Variants in HTR7 observed in about 807,000 individuals in gnomAD.
HTR7 encodes the protein 5-hydroxytryptamine receptor 7, also known as 5-HT-7.
In HTR7, 16 loss-of-function variants were observed where a neutral mutation model predicts 34.0. That is an observed-to-expected ratio of 0.47 (90% CI 0.32 to 0.71). The LOEUF is 0.71. Among genes scored for constraint, HTR7 ranks in the 30% least tolerant of loss-of-function variants. The probability of loss-of-function intolerance (pLI) is 0.04; values close to 1 mark genes in which losing one functional copy is unlikely to be tolerated. For missense variants in HTR7, 504 were observed against 625.5 expected (o/e 0.81, Z 2.07); for synonymous variants, 265 against 260.2 (o/e 1.02, Z -0.18).
intron 1 of HTR7, among the ~76,000 whole-genome samples, chr10:90,795,923 A>G (rs1300655272): frequency 6.6e-6 from 1 of 152,196 alleles, no homozygotes; most frequent in Non-Finnish European, 1.5e-5. Context: ...TATTATCAAT[A>G]GAAAGGAACG....
intron 1 of HTR7, among the ~76,000 whole-genome samples, chr10:90,828,403 A>T (rs1846112920): frequency 6.6e-6 from 1 of 152,200 alleles, no homozygotes; most frequent in Non-Finnish European, 1.5e-5. Flanking sequence ...CATGCAAAAG[A>T]CCAACAAAAT....
intron 1 of HTR7, among the ~76,000 whole-genome samples, chr10:90,833,456 T>C (rs1242935241): frequency 6.6e-6 from 1 of 152,220 alleles, no homozygotes; most frequent in African/African-American, 2.4e-5. Context: ...AGCCTTTCCT[T>C]ATTTGTAAAA....
chr10:90,771,729 A>T lies in HTR7; in HGVS notation c.540-22135T>A, dbSNP rs150185999. 2.2e-3 allele frequency among the ~76,000 whole-genome samples: 341 copies of T among 152,184 alleles called. 1 individual carries two copies. The highest frequency in any genetic ancestry group is 7.7e-3 in the African/African-American group (319 of 41,512). On this transcript the variant is annotated intron_variant, in intron 1 of 3. Transcript: ENST00000336152. ...CACACCCCTCACCACTCCACACCTG[A>T]CTCACAATCTCCCTTGAAGGTGTGG...
intron 1 of HTR7, among the ~76,000 whole-genome samples, chr10:90,840,111 A>T (rs1295982428): frequency 6.6e-6 from 1 of 150,828 alleles, no homozygotes; most frequent in African/African-American, 2.4e-5. Flanking sequence ...GCATGCAATC[A>T]TCTTTTCCTC....
chr10:90,766,742 T>C (rs963210957), intron 1 of HTR7, among the ~76,000 whole-genome samples: 5 of 152,230 alleles, frequency 3.3e-5, no homozygotes, highest in Non-Finnish European at 7.3e-5. Flanking sequence ...ACATAAAATA[T>C]CTTATAGTTA....
chr10:90,753,443 A>G (rs1844775863), intron 1 of HTR7, among the ~76,000 whole-genome samples: 1 of 152,184 alleles, frequency 6.6e-6, no homozygotes, highest in South Asian at 2.1e-4. Context: ...AACTTCATTA[A>G]TAAAGAGATG....
Position 90,822,275 on chromosome 10 carries a change from G to A in HTR7, c.539+34858C>T, listed in dbSNP as rs547208686. Among the ~76,000 whole-genome samples, 4 of 152,308 alleles carry A rather than the reference G, an allele frequency of 2.6e-5. No individual in the cohort carries two copies. The East Asian group carries it at 7.7e-4, about 29-fold the overall frequency. ...AAAGTCCAGGCTGAAGTCTCAGATG[G>A]AGATGAGGAACTTATTAGGAACTGA... On this transcript the variant is annotated intron_variant, in intron 1 of 3. Coordinates refer to ENST00000336152, the MANE Select transcript of HTR7 (RefSeq NM_019859.4).
intron 1 of HTR7, among the ~76,000 whole-genome samples, chr10:90,831,541 A>G (rs1262770673): frequency 6.6e-6 from 1 of 151,872 alleles, no homozygotes; most frequent in Non-Finnish European, 1.5e-5. Context: ...AGCAAAACAC[A>G]TTGCTTCCAA....
intron 1 of HTR7, among the ~76,000 whole-genome samples, chr10:90,817,391 T>C (rs573567920): frequency 6.8e-4 from 103 of 152,332 alleles, no homozygotes; most frequent in Non-Finnish European, 1.4e-3. Context: ...AAGACAAGAT[T>C]AAACATGCTT....
At position 90,741,599 on chromosome 10, in the gene HTR7, TC is replaced by T. The variant is rs1319258622; in HGVS notation, c.*882del. On this transcript the variant is annotated 3_prime_UTR_variant, in exon 4 of 4. Coordinates refer to ENST00000336152, the MANE Select transcript of HTR7 (RefSeq NM_019859.4). ...TCACATTTCATGGAAAACCCATCAT[TC>T]CCACACTTCTTCCACATAACATACA... The T allele has an allele frequency of 6.6e-6, 1 of 152,310 alleles. No homozygotes were observed. The highest frequency in any genetic ancestry group is 1.5e-5 in the Non-Finnish European group (1 of 68,042). 9.4% of individuals were successfully genotyped at this position (152,310 alleles called of 1,614,324 possible). A position where few individuals can be genotyped will look rare whatever the true frequency, so the allele number is the denominator to read the frequency against.
chr10:90,814,069 C>T (rs1845859536), intron 1 of HTR7, among the ~76,000 whole-genome samples: 1 of 152,174 alleles, frequency 6.6e-6, no homozygotes, highest in African/African-American at 2.4e-5. Context: ...CTCCTAAACC[C>T]ACTTCTTGTG....
intron 1 of HTR7, among the ~76,000 whole-genome samples, chr10:90,795,854 G>T (rs1026354749): frequency 6.6e-6 from 1 of 152,150 alleles, no homozygotes; most frequent in Non-Finnish European, 1.5e-5. Context: ...GGGTTGAGGG[G>T]TGTTTCCACG....
intron 1 of HTR7, among the ~76,000 whole-genome samples, chr10:90,783,614 A>G (rs80159924): frequency 0.017 from 2,600 of 152,158 alleles, 85 homozygotes; most frequent in African/African-American, 0.058. Flanking sequence ...CAGGCTTTTT[A>G]GTGTTTTGCT....
chr10:90,800,850 G>T (rs973404598), intron 1 of HTR7, among the ~76,000 whole-genome samples: 1 of 152,124 alleles, frequency 6.6e-6, no homozygotes, highest in Non-Finnish European at 1.5e-5. Context: ...TGCCCTCAGG[G>T]TGGCTCAATA....
chr10:90,843,628 T>C (rs1327262762), intron 1 of HTR7, among the ~76,000 whole-genome samples: 1 of 151,474 alleles, frequency 6.6e-6, no homozygotes, highest in Non-Finnish European at 1.5e-5. Flanking sequence ...AGAGGCAGTA[T>C]GGTACATGAC....
intron 1 of HTR7, among the ~76,000 whole-genome samples, chr10:90,843,512 C>G (rs941750550): frequency 6.6e-6 from 1 of 152,014 alleles, no homozygotes; most frequent in Non-Finnish European, 1.5e-5. Flanking sequence ...TAAAAATTAC[C>G]CAGCTAAAGA....
intron 1 of HTR7, among the ~76,000 whole-genome samples, chr10:90,805,926 T>A (rs989135520): frequency 1.2e-4 from 18 of 152,330 alleles, no homozygotes; most frequent in Non-Finnish European, 1.8e-4. Context: ...GTAAAATTTC[T>A]TTAGTAATTT....
chr10:90,842,020 C>CAAA lies in HTR7; in HGVS notation c.539+15112_539+15113insTTT, dbSNP rs1229067822. Among the ~76,000 whole-genome samples, 54 of 112,716 alleles carry CAAA rather than the reference C, an allele frequency of 4.8e-4. No individual in the cohort carries two copies. In the Middle Eastern group the frequency reaches 0.023, roughly 47 times the overall value. 73.9% of individuals were successfully genotyped at this position (112,716 alleles called of 152,430 possible). A position where few individuals can be genotyped will look rare whatever the true frequency, so the allele number is the denominator to read the frequency against. On this transcript the variant is annotated intron_variant, in intron 1 of 3. Coordinates refer to ENST00000336152, the MANE Select transcript of HTR7 (RefSeq NM_019859.4). ...TCTCAAAGAAAAACAAAAACAAAAA[C>CAAA]AACAACAACAACAACAAAAAAGATC...
chr10:90,821,523 C>T (rs1845980808), intron 1 of HTR7, among the ~76,000 whole-genome samples: 1 of 152,220 alleles, frequency 6.6e-6, no homozygotes. Context: ...GGCTAAGGTG[C>T]TCTGGGGTCT....
Sources: gnomAD v4.1 joint callset for allele counts (sites outside exome capture counted in the v4.1 genomes callset) on GRCh38, gnomAD v4.1.1 for gene constraint, MANE v1.5 for transcripts, NCBI Gene and HGNC (gene_info 2026-07-23, HGNC 2026-07-21) for gene names.